Variants in CLOCK observed in about 807,000 individuals in gnomAD.
CLOCK encodes clock circadian regulator.
Under a neutral mutation model 118.4 loss-of-function variants are expected in CLOCK, and 43 were observed. That is an observed-to-expected ratio of 0.36 (90% CI 0.28 to 0.47). The LOEUF is 0.47. CLOCK is among the 20% of genes least tolerant of loss of function. The probability of loss-of-function intolerance (pLI) is 1.00; values close to 1 mark genes in which losing one functional copy is unlikely to be tolerated. For missense variants in CLOCK, 846 were observed against 999.9 expected (o/e 0.85, Z 2.08); for synonymous variants, 326 against 339.2 (o/e 0.96, Z 0.43).
intron 2 of CLOCK, among the ~76,000 whole-genome samples, chr4:55,490,701 A>G (rs1274378415): frequency 6.6e-6 from 1 of 152,168 alleles, no homozygotes; most frequent in Admixed American, 6.5e-5. Flanking sequence ...TGTGATGTAA[A>G]TAGGTGTTAT....
At chr4:55,540,059 G>A (rs777117941) in intron 1 of CLOCK, among the ~76,000 whole-genome samples, 3 of 150,564 alleles carry the variant, frequency 2.0e-5, no homozygotes, top group Non-Finnish European at 4.4e-5. Context: ...ACAGGCTGGA[G>A]TGCAATGGCG....
At chr4:55,511,190 C>G (rs114311440) in intron 1 of CLOCK, among the ~76,000 whole-genome samples, 2,291 of 152,202 alleles carry the variant, frequency 0.015, 63 homozygotes, top group African/African-American at 0.053. Flanking sequence ...TTACTAAGCA[C>G]TTTACTATGT....
intron 1 of CLOCK, among the ~76,000 whole-genome samples, chr4:55,515,643 A>C (rs1425405044): frequency 6.6e-6 from 1 of 152,120 alleles, no homozygotes; most frequent in Admixed American, 6.6e-5. Flanking sequence ...TCTGCCTCCC[A>C]AAGTGCTGGG....
At chr4:55,502,488 A>T (rs1168416789) in intron 2 of CLOCK, among the ~76,000 whole-genome samples, 1 of 152,162 alleles carries the variant, frequency 6.6e-6, no homozygotes, top group Non-Finnish European at 1.5e-5. Flanking sequence ...CTACTGGAAC[A>T]ACTGGACTTC....
intron 3 of CLOCK, among the ~76,000 whole-genome samples, chr4:55,484,692 A>G (rs933049587): frequency 6.6e-6 from 1 of 152,198 alleles, no homozygotes; most frequent in Non-Finnish European, 1.5e-5. Context: ...TCTGAGCCTT[A>G]TAAGGCACCC....
In CLOCK at chr4:55,490,766, AT is replaced by A. The variant is rs1727619103; in HGVS notation, c.-135-1302del. On this transcript the variant is annotated intron_variant, in intron 2 of 22. Transcript: ENST00000513440. ...TTGTAAATGGTTTTATTCTCTGAAT[AT>A]TTTTATCCACAGTTGGTTGAATCCA... is the stretch of plus-strand genomic sequence containing the variant. Among the ~76,000 whole-genome samples, 10 of 152,262 alleles carry A rather than the reference AT, an allele frequency of 6.6e-5. No individual in the cohort carries two copies. The South Asian group carries it at 1.9e-3, about 28-fold the overall frequency.
chr4:55,428,107 A>G lies in CLOCK; in HGVS notation c.*7308T>C, dbSNP rs1204744508. On this transcript the variant is annotated 3_prime_UTR_variant, in exon 23 of 23. Coordinates refer to ENST00000513440, the MANE Select transcript of CLOCK (RefSeq NM_004898.4). ...TATTTTTACATTTACAAAAACTGCTACTGCTTGGCTCTTTTGCTATAAGTT... is the reference window on the plus strand; with the variant it reads ...TATTTTTACATTTACAAAAACTGCTGCTGCTTGGCTCTTTTGCTATAAGTT... The G allele has an allele frequency of 1.3e-5, 2 of 152,216 alleles. No homozygotes were observed. Among genetic ancestry groups the G allele is most frequent in the African/African-American group, 4.8e-5 (2 of 41,462 alleles). 9.4% of individuals were successfully genotyped at this position (152,216 alleles called of 1,614,324 possible).
rs1390306387 is a variant in CLOCK, at chr4:55,450,296, T to C, written c.1207-64A>G. ...CAGTTCAGAGATCTCAAATTCACAA[T>C]ACTGTTAACAACAACAAAAAAATCA... On this transcript the variant is annotated intron_variant, in intron 15 of 22. Coordinates refer to ENST00000513440, the MANE Select transcript of CLOCK (RefSeq NM_004898.4). 3.8e-6 allele frequency: 6 copies of C among 1,591,706 alleles called. No individual in the cohort carries two copies. In the African/African-American group the frequency reaches 4.0e-5, roughly 11 times the overall value.
intron 4 of CLOCK, among the ~76,000 whole-genome samples, chr4:55,480,322 T>C (rs969956418): frequency 3.3e-5 from 5 of 152,230 alleles, no homozygotes; most frequent in African/African-American, 1.2e-4. Context: ...TGGAGTGCAG[T>C]TGCACAAACA....
intron 4 of CLOCK, 88 bp from the exon 5 acceptor site, chr4:55,479,787 C>A: frequency 9.7e-7 from 1 of 1,033,724 alleles, no homozygotes; most frequent in East Asian, 2.4e-5. Context: ...CAGTTATGCC[C>A]TATGATTTTT....
At chr4:55,473,084 G>A (rs1319327305) in intron 7 of CLOCK, among the ~76,000 whole-genome samples, 1 of 152,110 alleles carries the variant, frequency 6.6e-6, no homozygotes, top group Non-Finnish European at 1.5e-5. Context: ...AATTAGCTCG[G>A]CGTGGTGACA....
chr4:55,542,301 G>A (rs554424911), intron 1 of CLOCK, among the ~76,000 whole-genome samples: 6 of 149,712 alleles, frequency 4.0e-5, no homozygotes, highest in African/African-American at 1.2e-4. Context: ...CTGAGATCAC[G>A]CCACTGCACT....
intron 18 of CLOCK, 23 bp downstream of exon 18, chr4:55,448,756 C>A: frequency 1.3e-6 from 2 of 1,592,828 alleles, no homozygotes. Flanking sequence ...AAATACGCAA[C>A]TGAAACAAAA....
chr4:55,475,922 T>C (rs753581232), intron 7 of CLOCK, 41 bp downstream of exon 7: 9 of 1,424,760 alleles, frequency 6.3e-6, no homozygotes, highest in Middle Eastern at 2.0e-4. Context: ...GATTTCTTTT[T>C]TGAGGAAAAT....
intron 13 of CLOCK, among the ~76,000 whole-genome samples, chr4:55,455,349 G>T (rs1165211883): frequency 6.6e-6 from 1 of 152,136 alleles, no homozygotes; most frequent in African/African-American, 2.4e-5. Context: ...GCTTACTCAT[G>T]AAGATAATAA....
intron 3 of CLOCK, among the ~76,000 whole-genome samples, chr4:55,488,853 C>A (rs552496534): frequency 6.6e-6 from 1 of 152,286 alleles, no homozygotes; most frequent in South Asian, 2.1e-4. Context: ...CTGCCTCAGC[C>A]TCCCAAGTAG....
intron 1 of CLOCK, chr4:55,540,739 A>T (rs543444913): frequency 7.2e-5 from 11 of 152,254 alleles, no homozygotes; most frequent in African/African-American, 2.6e-4. Context: ...TGGAGTGGAG[A>T]GGGAGGAAGG....
intron 14 of CLOCK, chr4:55,453,335 C>T (rs185389693): frequency 1.9e-5 from 10 of 535,848 alleles, no homozygotes; most frequent in Admixed American, 6.8e-5. Flanking sequence ...CTGCTGTAAA[C>T]GATCCATAAC....
At chr4:55,448,051 A>C (rs1724028592) in intron 18 of CLOCK, among the ~76,000 whole-genome samples, 2 of 152,202 alleles carry the variant, frequency 1.3e-5, no homozygotes, top group African/African-American at 4.8e-5. Context: ...AGGCCAAGAA[A>C]CAATTCTCCT....
Sources: allele counts gnomAD v4.1 joint callset (sites outside exome capture counted in the v4.1 genomes callset), GRCh38; gene constraint gnomAD v4.1.1; transcripts MANE v1.5; gene names NCBI Gene and HGNC (gene_info 2026-07-23, HGNC 2026-07-21).